The following SKA3 variants were observed in gnomAD, a reference collection of about 807,000 sequenced individuals.
SKA3 encodes the protein spindle and kinetochore-associated protein 3.
In SKA3, 39 loss-of-function variants were observed where a neutral mutation model predicts 44.2. That is an observed-to-expected ratio of 0.88 (90% CI 0.68 to 1.15). SKA3 has a LOEUF of 1.15. SKA3 is among the 50% of genes most tolerant of loss of function. The pLI is 0.00. For synonymous variants in SKA3, 192 were observed against 172.0 expected, an observed-to-expected ratio of 1.12 and a Z score of -0.91; for missense variants, 511 against 485.8, an observed-to-expected ratio of 1.05 and a Z score of -0.49.
chr13:21,155,239 A>G (rs1870046144), intron 8 of SKA3, 89 bp from the exon 9 acceptor site: 3 of 962,500 alleles, frequency 3.1e-6, no homozygotes, highest in Non-Finnish European at 4.4e-6. Context: ...TATATTTTAC[A>G]CTTATAAAAT....
chr13:21,158,036 G>T lies in SKA3; in HGVS notation c.1005C>A (p.Asp335Glu), dbSNP rs17279819. 0.059 allele frequency: 94,058 copies of T among 1,594,676 alleles called. 2,747 individuals carry two copies. The highest frequency in any genetic ancestry group is 0.068 in the Non-Finnish European group (79,032 of 1,165,370). The change falls in exon 7 of 9, where the codon GAC becomes GAA. Residue 335 changes from aspartate to glutamate, a missense_variant. Physicochemically the swap from Asp to Glu is conservative, Grantham distance 45. Transcript: ENST00000314759. ...GATCTGTTAAATTCTCAAAGCATGT[G>T]TCTGAATTTAAAACCAACGAAGTAC... The part of the protein sequence containing the change: ...EDRTSLVLNS[D>E]TCFENLTDPS...
In SKA3 at chr13:21,155,098, G is replaced by A. The variant is rs368302543; in HGVS notation, c.*52C>T. ...GTGAATGTTAAAATCGGTCCAGCTCGGCTTTCATCTCATTTTGTTCAGTTT... is the reference window on the plus strand; with the variant it reads ...GTGAATGTTAAAATCGGTCCAGCTCAGCTTTCATCTCATTTTGTTCAGTTT... On this transcript the variant is annotated 3_prime_UTR_variant, in exon 9 of 9. Coordinates refer to ENST00000314759, the MANE Select transcript of SKA3 (RefSeq NM_145061.6). 82 of 1,610,394 alleles carry A rather than the reference G, an allele frequency of 5.1e-5. No individual in the cohort carries two copies. The African/African-American group carries it at 9.0e-4, about 18-fold the overall frequency.
At chr13:21,171,673 G>C (rs1207972211) in intron 3 of SKA3, among the ~76,000 whole-genome samples, 1 of 152,050 alleles carries the variant, frequency 6.6e-6, no homozygotes, top group African/African-American at 2.4e-5. Flanking sequence ...AGGAACTGCT[G>C]TAAGCAACTT....
At chr13:21,173,058 C>A (rs1474407068) in intron 1 of SKA3, among the ~76,000 whole-genome samples, 1 of 152,100 alleles carries the variant, frequency 6.6e-6, no homozygotes, top group African/African-American at 2.4e-5. Flanking sequence ...GAATGTATCC[C>A]CATTAAGTAA....
At position 21,172,489 on chromosome 13, in the gene SKA3, G is replaced by T; in HGVS notation, c.181C>A (p.Leu61Ile). 2.5e-6 allele frequency: 4 copies of T among 1,586,186 alleles called. No individual in the cohort carries two copies. Among genetic ancestry groups the T allele is most frequent in the Non-Finnish European group, 3.4e-6 (4 of 1,167,354 alleles). ...TTTTCCAATCTTGCTTTATCAAGAAGAATATTAACATCATCCTTTTATGAA... is the reference window on the plus strand; with the variant it reads ...TTTTCCAATCTTGCTTTATCAAGAATAATATTAACATCATCCTTTTATGAA... The part of the protein sequence containing the change: ...VQTLKDDVNI[L>I]LDKARLENQE... Residue 61 changes from leucine to isoleucine, a missense_variant, in exon 3 of 9, where the codon CTT becomes ATT. Physicochemically the swap from Leu to Ile is conservative, Grantham distance 5. Transcript: ENST00000314759.
chr13:21,160,048 G>A, intron 5 of SKA3, 61 bp from the exon 6 acceptor site: 1 of 1,063,788 alleles, frequency 9.4e-7, no homozygotes, highest in Non-Finnish European at 1.3e-6. Flanking sequence ...AACTGGACAG[G>A]AAGAAAATCT....
intron 1 of SKA3, among the ~76,000 whole-genome samples, chr13:21,175,363 G>T (rs1030530092): frequency 6.6e-6 from 1 of 150,960 alleles, no homozygotes; most frequent in Admixed American, 6.6e-5. Flanking sequence ...TGCAAGTTCC[G>T]CCTCCCGGGT....
chr13:21,172,000 G>A (rs1284644335), intron 3 of SKA3, among the ~76,000 whole-genome samples: 2 of 152,198 alleles, frequency 1.3e-5, no homozygotes, highest in Admixed American at 1.3e-4. Flanking sequence ...GCTTTTATTG[G>A]CAGGGCTAAC....
At chr13:21,161,671 A>T in intron 5 of SKA3, 119 bp downstream of exon 5, 1 of 598,800 alleles carries the variant, frequency 1.7e-6, no homozygotes. Context: ...ATGTAATCCA[A>T]TGTTAGGAAT....
Position 21,155,162 on chromosome 13 carries a change from ACAAATAACAAATAT to A in SKA3, c.*-26_*-13del. Reference sequence around the variant, plus strand: ...ATCCACTGGAATTTCTGCAACAGATACAAATAACAAATATCAATTTAATAAAATTAAAAGCCATT... The same window carrying A: ...ATCCACTGGAATTTCTGCAACAGATACAATTTAATAAAATTAAAAGCCATT... On this transcript the variant is annotated splice_polypyrimidine_tract_variant and intron_variant, in intron 8 of 8. Transcript: ENST00000314759. 8.3e-7 allele frequency: 1 copy of A among 1,209,040 alleles called. No individual in the cohort carries two copies. Among genetic ancestry groups the A allele is most frequent in the South Asian group, 1.8e-5 (1 of 56,540 alleles). The allele number at this position is 1,209,040 out of a possible 1,614,324, so 74.9% of individuals were successfully genotyped here. A position where few individuals can be genotyped will look rare whatever the true frequency, so the allele number is the denominator to read the frequency against.
chr13:21,159,853 T>G (rs375083970), intron 6 of SKA3, 49 bp downstream of exon 6: 1 of 1,189,620 alleles, frequency 8.4e-7, no homozygotes, highest in Non-Finnish European at 1.1e-6. Context: ...AGTAGTGTAT[T>G]TGAGTCTTTA....
intron 7 of SKA3, among the ~76,000 whole-genome samples, chr13:21,157,570 T>A (rs1870178213): frequency 6.6e-6 from 1 of 152,224 alleles, no homozygotes; most frequent in South Asian, 2.1e-4. Context: ...ATGACTATAT[T>A]CTAACATACA....
chr13:21,168,293 A>G lies in SKA3; in HGVS notation c.438T>C (p.Ser146=), dbSNP rs1870841973. The G allele has an allele frequency of 1.9e-6, 3 of 1,614,194 alleles. No homozygotes were observed. In the East Asian group the frequency reaches 6.7e-5, roughly 36 times the overall value. The change falls in exon 4 of 9, where the codon AGT becomes AGC. Residue 146 remains serine (S), a synonymous_variant. Coordinates refer to ENST00000314759, the MANE Select transcript of SKA3 (RefSeq NM_145061.6). ...TACGTGGAGACTTCTCAGAAATACA[A>G]CTGCTTGCAACAGGAGGATCAGACA... The part of the protein sequence containing the change: ...DDLSDPPVAS[S]CISEKSPRSP...
intron 4 of SKA3, 89 bp from the exon 5 acceptor site, chr13:21,161,964 T>A (rs991162343): frequency 1.2e-6 from 1 of 844,052 alleles, no homozygotes. Flanking sequence ...ATATCAAGTT[T>A]GGACAAACAT....
At chr13:21,163,824 C>T (rs933069360) in intron 4 of SKA3, among the ~76,000 whole-genome samples, 2 of 152,170 alleles carry the variant, frequency 1.3e-5, no homozygotes, top group African/African-American at 4.8e-5. Context: ...AGTGCAGTGG[C>T]ACGATCTCAG....
chr13:21,157,726 C>T (rs985605411), intron 7 of SKA3, among the ~76,000 whole-genome samples, 196 bp downstream of exon 7: 10 of 152,204 alleles, frequency 6.6e-5, no homozygotes, highest in African/African-American at 2.2e-4. Flanking sequence ...GAACCATGAT[C>T]GACATGGAAA....
chr13:21,172,319 T>A lies in SKA3; in HGVS notation c.331+20A>T. On this transcript the variant is annotated intron_variant, in intron 3 of 8. Transcript: ENST00000314759. The stretch of plus-strand genomic sequence containing the variant: ...TTCTTCAATACTAAAACAAATGCTA[T>A]AAAATGAAGTTATTCAAACCTGAAT... 8.8e-7 allele frequency: 1 copy of A among 1,131,538 alleles called. No homozygotes were observed. The highest frequency in any genetic ancestry group is 1.2e-6 in the Non-Finnish European group (1 of 859,078). The allele number at this position is 1,131,538 out of a possible 1,614,324, so 70.1% of individuals were successfully genotyped here.
rs774113534 is a variant in SKA3 at position 21,159,998 on chromosome 13, C to T, written c.830-11G>A. ...TGGTATATTCGGCATCTAAAAGACA[C>T]ATAAAATGGTCATTAAAAAACTATA... On this transcript the variant is annotated splice_polypyrimidine_tract_variant and intron_variant, in intron 5 of 8. Transcript: ENST00000314759. 7 of 1,580,264 alleles carry T rather than the reference C, an allele frequency of 4.4e-6. No individual in the cohort carries two copies. The African/African-American group carries it at 8.3e-5, about 19-fold the overall frequency.
At position 21,161,779 on chromosome 13, in the gene SKA3, C is replaced by T. The variant is rs1232593441; in HGVS notation, c.829+11G>A. On this transcript the variant is annotated intron_variant, in intron 5 of 8. Coordinates refer to ENST00000314759, the MANE Select transcript of SKA3 (RefSeq NM_145061.6). ...AATGTTCCTGAGAAGTAACTTGATT[C>T]TTATACTTACCACTTTTTTCCAACT... is the stretch of plus-strand genomic sequence containing the variant. 11 of 1,195,894 alleles carry T rather than the reference C, an allele frequency of 9.2e-6. No homozygotes were observed. The highest frequency in any genetic ancestry group is 1.0e-5 in the Non-Finnish European group (9 of 894,622). 74.1% of individuals were successfully genotyped at this position (1,195,894 alleles called of 1,614,324 possible).
Sources: allele counts gnomAD v4.1 joint callset (sites outside exome capture counted in the v4.1 genomes callset), GRCh38; gene constraint gnomAD v4.1.1; transcripts MANE v1.5; gene names NCBI Gene and HGNC (gene_info 2026-07-23, HGNC 2026-07-21).